The following RNGTT variants were observed in gnomAD, a reference collection of about 807,000 sequenced individuals.
RNGTT encodes the protein mRNA-capping enzyme.
RNGTT carries 33 observed loss-of-function variants against 79.3 expected under a neutral mutation model. The observed-to-expected ratio is 0.42, with a 90% confidence interval of 0.32 to 0.56. The LOEUF is 0.56. Ranked by LOEUF, RNGTT falls within the 20% of genes least tolerant of loss-of-function variation. The pLI is 0.17. For synonymous variants in RNGTT, 222 were observed against 235.9 expected (o/e 0.94, Z 0.54); for missense variants, 497 against 739.1 (o/e 0.67, Z 3.80).
At chr6:88,657,376 T>C (rs1234893929) in intron 14 of RNGTT, among the ~76,000 whole-genome samples, 5 of 151,970 alleles carry the variant, frequency 3.3e-5, no homozygotes, top group Non-Finnish European at 4.4e-5. Flanking sequence ...GCACTCCTGG[T>C]CTCCAGCTTG....
chr6:88,817,490 T>TAAAAAAAA (rs11354100), intron 11 of RNGTT, among the ~76,000 whole-genome samples: 1 of 44,564 alleles, frequency 2.2e-5, no homozygotes, highest in Non-Finnish European at 3.9e-5. Flanking sequence ...AAAAAATAAG[T>TAAAAAAAA]AAAAAAAAAA....
intron 10 of RNGTT, 126 bp downstream of exon 10, chr6:88,849,629 C>T (rs933673309): frequency 2.8e-6 from 2 of 715,110 alleles, no homozygotes; most frequent in Non-Finnish European, 4.0e-6. Context: ...AAAAAAGATT[C>T]CCAGTGAGTA....
intron 1 of RNGTT, among the ~76,000 whole-genome samples, chr6:88,941,674 T>A (rs2127958850): frequency 6.6e-6 from 1 of 151,912 alleles, no homozygotes; most frequent in African/African-American, 2.4e-5. Context: ...TCTTTTTTTT[T>A]TTTTTTTGAG....
chr6:88,801,478 A>G (rs1397230272), intron 12 of RNGTT, 86 bp downstream of exon 12: 14 of 988,900 alleles, frequency 1.4e-5, no homozygotes, highest in Non-Finnish European at 2.0e-5. Context: ...TGAGGCATAC[A>G]TGTGTATGTG....
At chr6:88,871,287 T>TTATACAATGGA (rs1486901300) in intron 8 of RNGTT, among the ~76,000 whole-genome samples, 1 of 151,894 alleles carries the variant, frequency 6.6e-6, no homozygotes, top group African/African-American at 2.4e-5. Context: ...TATGATGCAC[T>TTATACAATGGA]TATACAATGG....
At chr6:88,886,255 G>C (rs1782855594) in intron 8 of RNGTT, among the ~76,000 whole-genome samples, 1 of 152,092 alleles carries the variant, frequency 6.6e-6, no homozygotes, top group East Asian at 1.9e-4. Context: ...GCAGTAAGCA[G>C]AGATCGCGCC....
intron 1 of RNGTT, among the ~76,000 whole-genome samples, chr6:88,941,971 C>A (rs988859960): frequency 6.6e-5 from 10 of 152,086 alleles, no homozygotes; most frequent in Non-Finnish European, 1.2e-4. Context: ...CAGGTGCACA[C>A]CACCATAACC....
intron 4 of RNGTT, among the ~76,000 whole-genome samples, chr6:88,927,474 C>T (rs555328870): frequency 1.3e-5 from 2 of 152,142 alleles, no homozygotes; most frequent in Admixed American, 6.5e-5. Context: ...ACCATCCTGA[C>T]CAACATGGAG....
chr6:88,614,473 A>G (rs1772148163), intron 14 of RNGTT, 78 bp from the exon 15 acceptor site: 1 of 1,372,660 alleles, frequency 7.3e-7, no homozygotes, highest in Non-Finnish European at 1.0e-6. Flanking sequence ...CAGGCACATT[A>G]GGAAATGATA....
chr6:88,887,288 C>A (rs1213819136), intron 8 of RNGTT, among the ~76,000 whole-genome samples: 2 of 152,110 alleles, frequency 1.3e-5, no homozygotes, highest in Non-Finnish European at 2.9e-5. Context: ...CCTGACATAG[C>A]TTTAACGACG....
chr6:88,703,086 G>A (rs80215165), intron 13 of RNGTT, among the ~76,000 whole-genome samples: 11,463 of 152,222 alleles, frequency 0.075, 573 homozygotes, highest in Middle Eastern at 0.19. Flanking sequence ...AAAAGGAAAT[G>A]CTTCTACACT....
At chr6:88,721,844 C>T (rs1004521331) in intron 13 of RNGTT, among the ~76,000 whole-genome samples, 1 of 152,034 alleles carries the variant, frequency 6.6e-6, no homozygotes, top group Non-Finnish European at 1.5e-5. Context: ...CAAAATTCAG[C>T]TCTCATGTAA....
intron 14 of RNGTT, among the ~76,000 whole-genome samples, chr6:88,629,214 G>T (rs958299764): frequency 5.3e-5 from 8 of 152,092 alleles, no homozygotes; most frequent in Non-Finnish European, 8.8e-5. Context: ...GTGCAATTCG[G>T]TTGAGTAATA....
At chr6:88,807,825 C>T (rs926961259) in intron 11 of RNGTT, among the ~76,000 whole-genome samples, 7 of 151,872 alleles carry the variant, frequency 4.6e-5, no homozygotes, top group African/African-American at 1.5e-4. Flanking sequence ...AGATTACAGG[C>T]AGAGGAACAA....
At position 88,809,578 on chromosome 6, in the gene RNGTT, A is replaced by G. The variant is rs2127869781; in HGVS notation, c.1270-7946T>C. Among the ~76,000 whole-genome samples the G allele has an allele frequency of 2.0e-5, 3 of 152,332 alleles. No homozygotes were observed. The South Asian group carries it at 6.2e-4, about 32-fold the overall frequency. Reference sequence around the variant, plus strand: ...ATGTCAATATTTGGAAAGTCATCCAATATTTGAAAATTAAATAACACACTT... The same window carrying G: ...ATGTCAATATTTGGAAAGTCATCCAGTATTTGAAAATTAAATAACACACTT... On this transcript the variant is annotated intron_variant, in intron 11 of 15. Coordinates refer to ENST00000369485, the MANE Select transcript of RNGTT (RefSeq NM_003800.5).
chr6:88,924,913 G>A (rs1190299421), intron 4 of RNGTT, among the ~76,000 whole-genome samples: 3 of 151,824 alleles, frequency 2.0e-5, no homozygotes, highest in African/African-American at 4.8e-5. Flanking sequence ...CAGAGACAGG[G>A]TCTCACTTTG....
At chr6:88,645,302 TGAAGGACCTCTTAAAGGA>T (rs1184158312) in intron 14 of RNGTT, among the ~76,000 whole-genome samples, 1 of 152,162 alleles carries the variant, frequency 6.6e-6, no homozygotes, top group African/African-American at 2.4e-5. Flanking sequence ...ACAAGGGATG[TGAAGGACCTCTTAAAGGA>T]GAACTACAAA....
intron 11 of RNGTT, among the ~76,000 whole-genome samples, chr6:88,843,593 C>G (rs964165500): frequency 3.8e-5 from 4 of 105,800 alleles, no homozygotes; most frequent in South Asian, 3.3e-4. Flanking sequence ...GAGTCTTGCT[C>G]TGTCGCCCAG....
chr6:88,822,323 G>A (rs1286681423), intron 11 of RNGTT, among the ~76,000 whole-genome samples: 1 of 152,058 alleles, frequency 6.6e-6, no homozygotes, highest in Non-Finnish European at 1.5e-5. Flanking sequence ...AAATTTAAAA[G>A]AAAATATATG....
Sources: allele counts gnomAD v4.1 joint callset (sites outside exome capture counted in the v4.1 genomes callset), GRCh38; gene constraint gnomAD v4.1.1; transcripts MANE v1.5; gene names NCBI Gene and HGNC (gene_info 2026-07-23, HGNC 2026-07-21).